PLCB1: variants seen among roughly 807,000 people sequenced by gnomAD.
PLCB1 encodes 1-phosphatidylinositol 4,5-bisphosphate phosphodiesterase beta-1.
In PLCB1, 46 loss-of-function variants were observed where a neutral mutation model predicts 161.8. That is an observed-to-expected ratio of 0.28 (90% CI 0.22 to 0.36). The LOEUF (loss-of-function observed/expected upper bound fraction) is 0.36. Among genes scored for constraint, PLCB1 ranks in the 10% least tolerant of loss-of-function variants. The pLI is 1.00. For missense variants in PLCB1, 1,016 were observed against 1,472.5 expected, an observed-to-expected ratio of 0.69 and a Z score of 5.07; for synonymous variants, 517 against 503.7, an observed-to-expected ratio of 1.03 and a Z score of -0.35.
chr20:8,741,579 AG>A lies in PLCB1; in HGVS notation c.2523+9del. 1.3e-6 allele frequency: 2 copies of A among 1,589,796 alleles called. No homozygotes were observed. ...AAGAAGAAGTAAAGAAAGAGGTGAG[AG>A]GGTGTTTTAATTTTACATATAGCAT... On this transcript the variant is annotated splice_region_variant and intron_variant, in intron 23 of 31. Coordinates refer to ENST00000338037, the MANE Select transcript of PLCB1 (RefSeq NM_015192.4).
At chr20:8,379,349 C>G (rs936091389) in intron 3 of PLCB1, among the ~76,000 whole-genome samples, 1 of 152,140 alleles carries the variant, frequency 6.6e-6, no homozygotes. Flanking sequence ...TCCAGTCTAT[C>G]ATTGATGGGT....
rs1042417288 is a variant in PLCB1, at chr20:8,742,545, C to T, written c.2523+972C>T. On this transcript the variant is annotated intron_variant, in intron 23 of 31. Coordinates refer to ENST00000338037, the MANE Select transcript of PLCB1 (RefSeq NM_015192.4). Reference sequence around the variant, plus strand: ...AAGAAATCAACTGTAATTCAAACATCCCATCCGCTCAGAGATAGCCACATT... The same window carrying T: ...AAGAAATCAACTGTAATTCAAACATTCCATCCGCTCAGAGATAGCCACATT... Among the ~76,000 whole-genome samples the T allele has an allele frequency of 2.2e-4, 33 of 152,262 alleles. 1 individual carries two copies. Among genetic ancestry groups the T allele is most frequent in the South Asian group, 4.1e-4 (2 of 4,830 alleles).
intron 2 of PLCB1, among the ~76,000 whole-genome samples, chr20:8,205,205 G>A (rs972812291): frequency 1.3e-5 from 2 of 152,114 alleles, no homozygotes; most frequent in Admixed American, 6.6e-5. Flanking sequence ...TGTTGAAACA[G>A]AACAATATGA....
At chr20:8,770,540 G>A (rs1276611298) in intron 26 of PLCB1, among the ~76,000 whole-genome samples, 1 of 152,200 alleles carries the variant, frequency 6.6e-6, no homozygotes, top group East Asian at 1.9e-4. Flanking sequence ...CAGATGACAT[G>A]TGCCCAAGGT....
intron 10 of PLCB1, among the ~76,000 whole-genome samples, chr20:8,687,305 A>G (rs144703215): frequency 1.3e-5 from 2 of 152,180 alleles, no homozygotes; most frequent in African/African-American, 4.8e-5. Context: ...GATTAACGAC[A>G]TGAGCCACTG....
Position 8,300,529 on chromosome 20 carries a change from T to TTGGAAG in PLCB1, c.178-70849_178-70844dup, listed in dbSNP as rs1442432460. Among the ~76,000 whole-genome samples the TTGGAAG allele has an allele frequency of 3.9e-5, 6 of 152,002 alleles. No individual in the cohort carries two copies. The East Asian group carries it at 1.2e-3, about 29-fold the overall frequency. On this transcript the variant is annotated intron_variant, in intron 2 of 31. Transcript: ENST00000338037. ...TTTCTATGACTCCATAGCCATTTGT[T>TTGGAAG]TGGAAGTGGTTTTTTTTTATTATTA...
chr20:8,558,801 A>G, intron 3 of PLCB1, among the ~76,000 whole-genome samples: 1 of 151,968 alleles, frequency 6.6e-6, no homozygotes. Flanking sequence ...CCAAAACAGG[A>G]GGAAAAAACA....
At chr20:8,808,245 G>A (rs1984636231) in intron 31 of PLCB1, among the ~76,000 whole-genome samples, 2 of 152,226 alleles carry the variant, frequency 1.3e-5, no homozygotes, top group South Asian at 4.1e-4. Context: ...GAGTCTGGAA[G>A]TCTAAGATCA....
intron 23 of PLCB1, among the ~76,000 whole-genome samples, chr20:8,745,137 ACT>A (rs1250294967): frequency 1.3e-5 from 2 of 152,090 alleles, no homozygotes; most frequent in African/African-American, 4.8e-5. Flanking sequence ...ACATGTCTAA[ACT>A]CTTAACTGGC....
chr20:8,151,033 G>A (rs2051503195), intron 2 of PLCB1, among the ~76,000 whole-genome samples: 1 of 152,124 alleles, frequency 6.6e-6, no homozygotes, highest in African/African-American at 2.4e-5. Flanking sequence ...GGAGTTTAAT[G>A]GGCAGTTAGA....
At chr20:8,727,030 A>C (rs1299049541) in intron 16 of PLCB1, among the ~76,000 whole-genome samples, 1 of 152,050 alleles carries the variant, frequency 6.6e-6, no homozygotes, top group Non-Finnish European at 1.5e-5. Flanking sequence ...TTATTGCCAC[A>C]CTATACTCAT....
At chr20:8,721,427 A>G (rs1424455229) in intron 14 of PLCB1, among the ~76,000 whole-genome samples, 1 of 152,206 alleles carries the variant, frequency 6.6e-6, no homozygotes, top group Non-Finnish European at 1.5e-5. Flanking sequence ...TTTTTATATA[A>G]CGGATATTTC....
intron 2 of PLCB1, among the ~76,000 whole-genome samples, chr20:8,260,475 T>C (rs1429317184): frequency 6.6e-6 from 1 of 151,974 alleles, no homozygotes; most frequent in African/African-American, 2.4e-5. Context: ...TGGAGGACTT[T>C]AGGGAGAGTC....
chr20:8,858,879 G>A (rs926243744), intron 31 of PLCB1, among the ~76,000 whole-genome samples: 1 of 141,468 alleles, frequency 7.1e-6, no homozygotes, highest in Non-Finnish European at 1.5e-5. Flanking sequence ...TGTTCTTAGG[G>A]TAGTGTTCTC....
chr20:8,491,692 T>C (rs913658394), intron 3 of PLCB1, among the ~76,000 whole-genome samples: 1 of 152,166 alleles, frequency 6.6e-6, no homozygotes, highest in Non-Finnish European at 1.5e-5. Flanking sequence ...TTTTCCAATA[T>C]TCTTTTCTGT....
intron 3 of PLCB1, among the ~76,000 whole-genome samples, chr20:8,416,468 G>A (rs1349797967): frequency 6.6e-6 from 1 of 152,118 alleles, no homozygotes. Context: ...TCAAAGAGAT[G>A]TGTCACACTA....
chr20:8,883,441 TA>T lies in PLCB1; in HGVS notation c.*1594del. ...ATGTAGAAAAATGTAACTTAGAGAG[TA>T]ACACATGAACATTGAAGTTAAAACC... On this transcript the variant is annotated 3_prime_UTR_variant, in exon 32 of 32. Transcript: ENST00000338037. The T allele has an allele frequency of 6.6e-6, 1 of 151,698 alleles. No individual in the cohort carries two copies. The highest frequency in any genetic ancestry group is 1.9e-4 in the East Asian group (1 of 5,188). 9.4% of individuals were successfully genotyped at this position (151,698 alleles called of 1,614,324 possible). A position where few individuals can be genotyped will look rare whatever the true frequency, so the allele number is the denominator to read the frequency against.
chr20:8,510,313 A>G (rs1279896686), intron 3 of PLCB1, among the ~76,000 whole-genome samples: 4 of 151,610 alleles, frequency 2.6e-5, no homozygotes, highest in South Asian at 2.1e-4. Context: ...CTAATCCTCT[A>G]TATTTACAAC....
At chr20:8,475,014 C>T (rs1453895401) in intron 3 of PLCB1, among the ~76,000 whole-genome samples, 2 of 147,408 alleles carry the variant, frequency 1.4e-5, no homozygotes, top group East Asian at 3.9e-4. Context: ...CACACAGACA[C>T]ACACACACAC....
Sources: allele counts gnomAD v4.1 joint callset (sites outside exome capture counted in the v4.1 genomes callset), GRCh38; gene constraint gnomAD v4.1.1; transcripts MANE v1.5; gene names NCBI Gene and HGNC (gene_info 2026-07-23, HGNC 2026-07-21).